Variants in LRMDA observed in about 807,000 individuals in gnomAD.
LRMDA encodes the protein leucine-rich melanocyte differentiation-associated protein.
LRMDA carries 18 observed loss-of-function variants against 29.8 expected under a neutral mutation model. The observed-to-expected ratio is 0.60, with a 90% CI of 0.42 to 0.90. LRMDA has a LOEUF of 0.90. Among genes scored for constraint, LRMDA ranks in the 40% least tolerant of loss-of-function variants. The pLI is 0.00. For synonymous variants in LRMDA, 125 were observed against 109.4 expected, an observed-to-expected ratio of 1.14 and a Z score of -0.89; for missense variants, 273 against 273.9, an observed-to-expected ratio of 1.00 and a Z score of 0.02.
intron 2 of LRMDA, among the ~76,000 whole-genome samples, chr10:75,929,733 T>G (rs1312706489): frequency 6.6e-6 from 1 of 152,200 alleles, no homozygotes; most frequent in Non-Finnish European, 1.5e-5. Flanking sequence ...TCATTACTTT[T>G]GGGATCCTGT....
intron 5 of LRMDA, among the ~76,000 whole-genome samples, chr10:76,207,382 G>T (rs1049456088): frequency 2.6e-5 from 4 of 152,192 alleles, no homozygotes; most frequent in African/African-American, 9.6e-5. Context: ...GCTAGTTCAG[G>T]GATCCTACGT....
chr10:75,450,193 C>G (rs1844444785), intron 2 of LRMDA: 1 of 152,208 alleles, frequency 6.6e-6, no homozygotes, highest in African/African-American at 2.4e-5. Flanking sequence ...ACCCCCACCC[C>G]CATCACTGTC....
intron 2 of LRMDA, among the ~76,000 whole-genome samples, chr10:75,517,108 T>C (rs1845299197): frequency 6.6e-6 from 1 of 152,128 alleles, no homozygotes; most frequent in Admixed American, 6.5e-5. Flanking sequence ...TATAGCCTTG[T>C]AGTATAGTTT....
chr10:76,200,657 A>C (rs1182593338), intron 5 of LRMDA, among the ~76,000 whole-genome samples: 2 of 151,384 alleles, frequency 1.3e-5, no homozygotes, highest in African/African-American at 4.9e-5. Flanking sequence ...TTGATATTGG[A>C]TAGCATGCCA....
At chr10:75,801,909 T>G (rs1203504402) in intron 2 of LRMDA, among the ~76,000 whole-genome samples, 2 of 152,198 alleles carry the variant, frequency 1.3e-5, no homozygotes, top group African/African-American at 4.8e-5. Context: ...AAATGATTTG[T>G]TGAGAGCTTC....
intron 6 of LRMDA, among the ~76,000 whole-genome samples, chr10:76,361,785 AT>A (rs1841316193): frequency 6.6e-6 from 1 of 152,164 alleles, no homozygotes; most frequent in Admixed American, 6.5e-5. Flanking sequence ...GGTTATGACT[AT>A]TATATGTTTA....
chr10:75,800,532 C>T (rs550629008), intron 2 of LRMDA, among the ~76,000 whole-genome samples: 69 of 151,904 alleles, frequency 4.5e-4, no homozygotes, highest in Admixed American at 5.9e-4. Context: ...CCGCCTCCCG[C>T]GTTCAAGTGA....
At chr10:76,097,034 A>G (rs1029198135) in intron 5 of LRMDA, among the ~76,000 whole-genome samples, 4 of 150,896 alleles carry the variant, frequency 2.7e-5, no homozygotes, top group Non-Finnish European at 5.9e-5. Flanking sequence ...TATTTGAGAC[A>G]GAGTCTTGCT....
At chr10:76,236,174 T>C (rs972668237) in intron 5 of LRMDA, among the ~76,000 whole-genome samples, 33 of 152,194 alleles carry the variant, frequency 2.2e-4, no homozygotes, top group African/African-American at 8.0e-4. Context: ...TAGGAAAGCC[T>C]GATGCCATCC....
chr10:75,858,335 T>G (rs1266116780), intron 2 of LRMDA, among the ~76,000 whole-genome samples: 1 of 152,198 alleles, frequency 6.6e-6, no homozygotes, highest in African/African-American at 2.4e-5. Context: ...TATGTGCTCA[T>G]GTCTGCTCCT....
chr10:76,329,982 G>A (rs995133916), intron 6 of LRMDA, among the ~76,000 whole-genome samples: 3 of 152,208 alleles, frequency 2.0e-5, no homozygotes, highest in Non-Finnish European at 4.4e-5. Flanking sequence ...TTAAATGTCT[G>A]TATGTGAAGA....
At chr10:75,921,330 A>G (rs1249345038) in intron 2 of LRMDA, among the ~76,000 whole-genome samples, 1 of 152,244 alleles carries the variant, frequency 6.6e-6, no homozygotes, top group Non-Finnish European at 1.5e-5. Flanking sequence ...GATGACAGAC[A>G]TATATGTGTA....
At position 75,582,768 on chromosome 10, in the gene LRMDA, A is replaced by G. The variant is rs867877748; in HGVS notation, c.131+144274A>G. ...CGGGCTGCAAATTTTCTGAACTTTT[A>G]TGCTCTGCTTTCCCTTTAAATATAA... On this transcript the variant is annotated intron_variant, in intron 2 of 6. Coordinates refer to ENST00000611255, the MANE Select transcript of LRMDA (RefSeq NM_001305581.2). 2.6e-5 allele frequency among the ~76,000 whole-genome samples: 4 copies of G among 152,216 alleles called. No homozygotes were observed. In the Middle Eastern group the frequency reaches 0.01, roughly 388 times the overall value.
chr10:76,334,170 A>G (rs1840938799), intron 6 of LRMDA, among the ~76,000 whole-genome samples: 1 of 152,176 alleles, frequency 6.6e-6, no homozygotes, highest in African/African-American at 2.4e-5. Flanking sequence ...AGGGTGTTTT[A>G]TTTCTGAATC....
chr10:76,019,771 T>G (rs897053559), intron 2 of LRMDA, among the ~76,000 whole-genome samples: 2 of 152,210 alleles, frequency 1.3e-5, no homozygotes, highest in Non-Finnish European at 2.9e-5. Flanking sequence ...GTCACCTGAC[T>G]GGACCCTGAA....
intron 5 of LRMDA, among the ~76,000 whole-genome samples, chr10:76,275,714 C>G (rs1479216543): frequency 6.6e-6 from 1 of 151,834 alleles, no homozygotes; most frequent in African/African-American, 2.4e-5. Context: ...TTTGTTTCAT[C>G]CTATTTGTAG....
At chr10:75,625,808 C>A (rs775260582) in intron 2 of LRMDA, among the ~76,000 whole-genome samples, 17 of 152,040 alleles carry the variant, frequency 1.1e-4, no homozygotes, top group Non-Finnish European at 2.1e-4. Flanking sequence ...TTAAAGACAT[C>A]CATGTTTTTC....
Position 76,233,506 on chromosome 10 carries a change from A to C in LRMDA, c.517-90895A>C, listed in dbSNP as rs537141637. Among the ~76,000 whole-genome samples, 14 of 152,274 alleles carry C rather than the reference A, an allele frequency of 9.2e-5. No homozygotes were observed. The South Asian group carries it at 2.9e-3, about 32-fold the overall frequency. ...GACAACAATGAGGTTTGCCACATTG[A>C]TTGACTCACGAAAGATTTCTCTGTA... On this transcript the variant is annotated intron_variant, in intron 5 of 6. Coordinates refer to ENST00000611255, the MANE Select transcript of LRMDA (RefSeq NM_001305581.2).
chr10:75,625,150 T>C (rs1410966603), intron 2 of LRMDA, among the ~76,000 whole-genome samples: 1 of 152,156 alleles, frequency 6.6e-6, no homozygotes, highest in African/African-American at 2.4e-5. Context: ...GGGGCAGAGC[T>C]TGAGTGGGAA....
Sources: gnomAD v4.1 joint callset for allele counts (sites outside exome capture counted in the v4.1 genomes callset) on GRCh38, gnomAD v4.1.1 for gene constraint, MANE v1.5 for transcripts, NCBI Gene and HGNC (gene_info 2026-07-23, HGNC 2026-07-21) for gene names.